Variants in BRPF1 observed in about 807,000 individuals in gnomAD.
BRPF1 encodes the protein bromodomain and PHD finger containing 1.
Under a neutral mutation model 115.0 loss-of-function variants are expected in BRPF1, and 15 were observed. The observed-to-expected ratio is 0.13, with a 90% CI of 0.09 to 0.20. The LOEUF (loss-of-function observed/expected upper bound fraction) is 0.20. BRPF1 is among the 10% of genes least tolerant of loss of function. BRPF1 has a pLI of 1.00. For missense variants in BRPF1, 1,118 were observed against 1,638.3 expected (o/e 0.68, Z 5.48); for synonymous variants, 647 against 619.8 (o/e 1.04, Z -0.65).
Position 9,734,538 on chromosome 3 carries a change from G to A in BRPF1, c.398G>A (p.Gly133Asp), listed in dbSNP as rs143224596. The part of the protein sequence containing the change: ...EEAPEEAPEN[G>D]SNKENTETPA... Reference sequence around the variant, plus strand: ...GCCCCCGAGGAGGCCCCTGAGAATGGCAGCAACAAGGAGAACACTGAGACA... The same window carrying A: ...GCCCCCGAGGAGGCCCCTGAGAATGACAGCAACAAGGAGAACACTGAGACA... Residue 133 changes from glycine to aspartate, a missense_variant, in exon 2 of 14, where the codon GGC becomes GAC. Physicochemically the swap from Gly to Asp is moderately conservative, Grantham distance 94. This residue lies in a region of BRPF1 where 280 missense variants were observed against 382.8 expected (regional missense o/e 0.73). Transcript: ENST00000383829. The surrounding 1 kb of genome is among the most constrained non-coding windows in gnomAD (Gnocchi z 5.7). 18 of 1,613,984 alleles carry A rather than the reference G, an allele frequency of 1.1e-5. No homozygotes were observed. The highest frequency in any genetic ancestry group is 1.4e-5 in the Non-Finnish European group (17 of 1,180,018).
rs2077077514 is a variant in BRPF1 at position 9,743,962 on chromosome 3, A to G, written c.2635+61A>G. The G allele has an allele frequency of 2.0e-6, 3 of 1,497,224 alleles. No individual in the cohort carries two copies. Among genetic ancestry groups the G allele is most frequent in the Admixed American group, 2.3e-5 (1 of 43,600 alleles). The allele number at this position is 1,497,224 out of a possible 1,614,324, so 92.7% of individuals were successfully genotyped here. A position where few individuals can be genotyped will look rare whatever the true frequency, so the allele number is the denominator to read the frequency against. ...GTCAGACTTTGGCTCTGCAGCACAC[A>G]CTCAACCCCTGCCATTCCCCAGGCA... On this transcript the variant is annotated intron_variant, in intron 8 of 13. Transcript: ENST00000383829. The surrounding 1 kb of genome is among the most constrained non-coding windows in gnomAD (Gnocchi z 6.1).
intron 6 of BRPF1, 74 bp from the exon 7 acceptor site, chr3:9,742,870 G>A: frequency 1.3e-6 from 2 of 1,493,976 alleles, no homozygotes; most frequent in South Asian, 2.6e-5. Flanking sequence ...GTTTCAGGGG[G>A]GCTTGTTAGG....
intron 2 of BRPF1, among the ~76,000 whole-genome samples, chr3:9,737,046 T>G (rs1358625845): frequency 6.6e-6 from 1 of 152,196 alleles, no homozygotes; most frequent in East Asian, 1.9e-4. Context: ...TGCCAAGGCC[T>G]GGAAGAAGCC....
intron 2 of BRPF1, among the ~76,000 whole-genome samples, chr3:9,737,903 C>A (rs567859854): frequency 1.2e-4 from 18 of 152,254 alleles, no homozygotes; most frequent in African/African-American, 4.1e-4. Context: ...ATAACCCTGA[C>A]AGTTTCTTTG....
At chr3:9,736,000 C>T (rs1339435936) in intron 2 of BRPF1, among the ~76,000 whole-genome samples, 1 of 148,276 alleles carries the variant, frequency 6.7e-6, no homozygotes, top group East Asian at 2.0e-4. Context: ...GATGTTAAAC[C>T]TCCATTTTTT....
chr3:9,744,030 C>T, intron 8 of BRPF1, 129 bp downstream of exon 8: 4 of 1,315,036 alleles, frequency 3.0e-6, no homozygotes, highest in Non-Finnish European at 4.1e-6. Flanking sequence ...TCCCTCATTC[C>T]CCAATCAGGG....
At chr3:9,736,015 T>TC (rs2076934142) in intron 2 of BRPF1, among the ~76,000 whole-genome samples, 1 of 62,646 alleles carries the variant, frequency 1.6e-5, no homozygotes, top group South Asian at 7.3e-4. Context: ...TTTTTTTTTT[T>TC]TTTTTTTTTT....
At chr3:9,736,650 G>A (rs1575151086) in intron 2 of BRPF1, among the ~76,000 whole-genome samples, 1 of 152,188 alleles carries the variant, frequency 6.6e-6, no homozygotes. Flanking sequence ...TCTTTCTGGG[G>A]ATCAGATATG....
At chr3:9,733,663 C>G (rs1045441584) in intron 1 of BRPF1, among the ~76,000 whole-genome samples, 1 of 152,106 alleles carries the variant, frequency 6.6e-6, no homozygotes, top group African/African-American at 2.4e-5. Flanking sequence ...GATCATTTTG[C>G]AGGAATGAGA....
In BRPF1 at chr3:9,741,877, G is replaced by T. The variant is rs961310759; in HGVS notation, c.1855-148G>T. 7 of 859,094 alleles carry T rather than the reference G, an allele frequency of 8.1e-6. No homozygotes were observed. The African/African-American group carries it at 1.2e-4, about 15-fold the overall frequency. 53.2% of individuals were successfully genotyped at this position (859,094 alleles called of 1,614,324 possible). On this transcript the variant is annotated intron_variant, in intron 5 of 13. Transcript: ENST00000383829. ...GTTGGTGCAAGTTTCCCTGGGTGGA[G>T]CCTCATAGAAGGTAGACCTGTATGA...
At position 9,741,309 on chromosome 3, in the gene BRPF1, G is replaced by A; in HGVS notation, c.1724G>A (p.Arg575Lys). ...QSQRNCDQVGRDSEDKNWALK... is the reference protein window; with the variant it reads ...QSQRNCDQVGKDSEDKNWALK... ...CTGATCTTCGTTTTGCCTCTACAGA[G>A]AGATTCTGAGGATAAGAACTGGGCC... The change falls in exon 5 of 14, where the codon AGA (arginine) becomes AAA (lysine). Residue 575 changes from arginine to lysine, a missense_variant and splice_region_variant. Arg to Lys is a conservative substitution (Grantham distance 26). Around this residue, in one of 10 missense-constraint regions of BRPF1, gnomAD observed 178 missense variants for 303.7 expected, o/e 0.59. Coordinates refer to ENST00000383829, the MANE Select transcript of BRPF1 (RefSeq NM_001003694.2). 1.3e-6 allele frequency: 2 copies of A among 1,571,364 alleles called. No homozygotes were observed. Among genetic ancestry groups the A allele is most frequent in the Non-Finnish European group, 1.7e-6 (2 of 1,155,234 alleles).
At position 9,745,093 on chromosome 3, in the gene BRPF1, G is replaced by C; in HGVS notation, c.3006G>C (p.Arg1002=). Residue 1002 remains arginine, a synonymous_variant, in exon 10 of 14, where the codon CGG becomes CGC. Transcript: ENST00000383829. This position sits in a 1 kb window ranked among gnomAD's most constrained non-coding sequence, Gnocchi z 5.1. ...ACCGTAATGACTGCAGCCTTCCCCG[G>C]AGCAGCTCAGACTCTGAGTCCAGCA... ...LVYRNDCSLP[R]SSSDSESSSS... is the part of the protein sequence containing the mutation. The C allele has an allele frequency of 1.9e-6, 3 of 1,614,194 alleles. No homozygotes were observed. Among genetic ancestry groups the C allele is most frequent in the Non-Finnish European group, 2.5e-6 (3 of 1,180,042 alleles).
chr3:9,743,268 A>G lies in BRPF1; in HGVS notation c.2311+15A>G, dbSNP rs1280374748. 2.5e-6 allele frequency: 4 copies of G among 1,607,158 alleles called. No homozygotes were observed. Among genetic ancestry groups the G allele is most frequent in the Non-Finnish European group, 3.4e-6 (4 of 1,175,712 alleles). On this transcript the variant is annotated intron_variant, in intron 7 of 13. Coordinates refer to ENST00000383829, the MANE Select transcript of BRPF1 (RefSeq NM_001003694.2). The surrounding 1 kb of genome is among the most constrained non-coding windows in gnomAD (Gnocchi z 6.1). Reference sequence around the variant, plus strand: ...CACTGAAGATGGTGGGTGATATATCACACACACATATAAGAGGCCAATGCC... The same window carrying G: ...CACTGAAGATGGTGGGTGATATATCGCACACACATATAAGAGGCCAATGCC...
chr3:9,739,440 C>A lies in BRPF1; in HGVS notation c.1041C>A (p.Arg347=). 6.2e-7 allele frequency: 1 copy of A among 1,614,170 alleles called. No homozygotes were observed. Among genetic ancestry groups the A allele is most frequent in the Non-Finnish European group, 8.5e-7 (1 of 1,180,028 alleles). The change falls in exon 3 of 14, where the codon CGC becomes CGA. Residue 347 remains arginine (R), a synonymous_variant. Coordinates refer to ENST00000383829, the MANE Select transcript of BRPF1 (RefSeq NM_001003694.2). The part of the protein sequence containing the change: ...GGAFKQTDDG[R]WAHVVCALWI... ...CCTTCAAGCAGACAGATGACGGGCG[C>A]TGGGCCCATGTGGTGTGTGCCTTGT...
rs570378520 is a variant in BRPF1, at chr3:9,745,462, CT to C, written c.3069-110del. On this transcript the variant is annotated intron_variant, in intron 10 of 13. Coordinates refer to ENST00000383829, the MANE Select transcript of BRPF1 (RefSeq NM_001003694.2). The surrounding 1 kb of genome is among the most constrained non-coding windows in gnomAD (Gnocchi z 5.1). ...GAATTTGAAATTCCTCATATAGCCT[CT>C]GCTTTCCAAAAGTCTCAGACCCTGC... 120 of 1,294,660 alleles carry C rather than the reference CT, an allele frequency of 9.3e-5. No homozygotes were observed. In the African/African-American group the frequency reaches 1.7e-3, roughly 18 times the overall value. The allele number at this position is 1,294,660 out of a possible 1,614,324, so 80.2% of individuals were successfully genotyped here.
In BRPF1 at chr3:9,745,204, G is replaced by A. The variant is rs776033345; in HGVS notation, c.3068+49G>A. On this transcript the variant is annotated intron_variant, in intron 10 of 13. Coordinates refer to ENST00000383829, the MANE Select transcript of BRPF1 (RefSeq NM_001003694.2). The surrounding 1 kb of genome is among the most constrained non-coding windows in gnomAD (Gnocchi z 5.1). ...CAACCTCAGGGGATGCCCTTCCAGG[G>A]CTCTTGGGCCTGTGTAGGTTTCCCT... 1.9e-6 allele frequency: 3 copies of A among 1,592,830 alleles called. No homozygotes were observed. Among genetic ancestry groups the A allele is most frequent in the South Asian group, 1.1e-5 (1 of 88,492 alleles).
chr3:9,739,087 G>T lies in BRPF1; in HGVS notation c.688G>T (p.Glu230Ter). ...EDYIWLDIMN[E>*]RRKTEGVSPI... ...CTACATCTGGCTGGATATCATGAAT[G>T]AGCGTCGGAAGACAGAGGGTGTAAG... Residue 230 changes from glutamate (E) to a stop codon, truncating the protein, a stop_gained, in exon 3 of 14, where the codon GAG (glutamate) becomes TAG (stop). Transcript: ENST00000383829. LOFTEE classifies it high-confidence loss of function. 1 of 1,613,668 alleles carries T rather than the reference G, an allele frequency of 6.2e-7. No homozygotes were observed. Among genetic ancestry groups the T allele is most frequent in the South Asian group, 1.1e-5 (1 of 91,032 alleles).
chr3:9,745,196 C>G lies in BRPF1; in HGVS notation c.3068+41C>G. ...ATCGAGGCCAACCTCAGGGGATGCC[C>G]TTCCAGGGCTCTTGGGCCTGTGTAG... is the stretch of plus-strand genomic sequence containing the variant. On this transcript the variant is annotated intron_variant, in intron 10 of 13. Transcript: ENST00000383829. This position sits in a 1 kb window ranked among gnomAD's most constrained non-coding sequence, Gnocchi z 5.1. The G allele has an allele frequency of 6.2e-7, 1 of 1,600,174 alleles. No homozygotes were observed. The highest frequency in any genetic ancestry group is 1.1e-5 in the South Asian group (1 of 89,530).
At chr3:9,733,042 G>C (rs371881525) in intron 1 of BRPF1, 1 of 152,256 alleles carries the variant, frequency 6.6e-6, no homozygotes, top group Non-Finnish European at 1.5e-5. Flanking sequence ...AGATTGTCGC[G>C]TTCGTGTTTG....
Sources: allele counts gnomAD v4.1 joint callset (sites outside exome capture counted in the v4.1 genomes callset), GRCh38; gene constraint gnomAD v4.1.1; regional missense constraint gnomAD v4.1.1; non-coding constraint Gnocchi (gnomAD v3.1); transcripts MANE v1.5; gene names NCBI Gene and HGNC (gene_info 2026-07-23, HGNC 2026-07-21).